The following MACROD2 variants were observed in gnomAD, a reference collection of about 807,000 sequenced individuals.
MACROD2 encodes ADP-ribose glycohydrolase MACROD2.
MACROD2 carries 36 observed loss-of-function variants against 70.4 expected under a neutral mutation model. The ratio of observed to expected loss-of-function variants is 0.51; its 90% CI spans 0.39 to 0.68. The LOEUF (loss-of-function observed/expected upper bound fraction) is 0.68, where lower values mean the gene tolerates loss of function less well. MACROD2 is among the 30% of genes least tolerant of loss of function. The pLI is 0.00. For synonymous variants in MACROD2, 172 were observed against 178.8 expected, an observed-to-expected ratio of 0.96 and a Z score of 0.30; for missense variants, 496 against 538.4, an observed-to-expected ratio of 0.92 and a Z score of 0.78.
intron 5 of MACROD2, among the ~76,000 whole-genome samples, chr20:14,871,283 T>C (rs1316245678): frequency 1.3e-5 from 2 of 152,108 alleles, no homozygotes; most frequent in Non-Finnish European, 2.9e-5. Context: ...TTAGGTCACC[T>C]ATAAAGGGAA....
rs76772503 is a variant in MACROD2 at position 14,954,330 on chromosome 20, T to A, written c.418+269371T>A. ...AAATGTATTTACCACATTTGTTGGA[T>A]CTACTTATGAATCTTTGGAAAAACT... On this transcript the variant is annotated intron_variant, in intron 5 of 17. Transcript: ENST00000684519. Among the ~76,000 whole-genome samples the A allele has an allele frequency of 2.0e-5, 3 of 151,716 alleles. No individual in the cohort carries two copies. In the East Asian group the frequency reaches 5.8e-4, roughly 29 times the overall value.
At chr20:14,461,917 T>G (rs1218063380) in intron 3 of MACROD2, among the ~76,000 whole-genome samples, 1 of 152,062 alleles carries the variant, frequency 6.6e-6, no homozygotes, top group Admixed American at 6.6e-5. Flanking sequence ...TTCCAAGTCT[T>G]TGCTATTGTG....
At chr20:14,234,924 C>A (rs534888052) in intron 3 of MACROD2, among the ~76,000 whole-genome samples, 1 of 152,244 alleles carries the variant, frequency 6.6e-6, no homozygotes, top group South Asian at 2.1e-4. Context: ...TTTAGTGCAT[C>A]ATTAATGAAC....
intron 3 of MACROD2, among the ~76,000 whole-genome samples, chr20:14,211,705 C>A (rs2081572262): frequency 6.6e-6 from 1 of 152,186 alleles, no homozygotes; most frequent in Non-Finnish European, 1.5e-5. Context: ...GTATTTAATT[C>A]ACCTAGTTCT....
intron 4 of MACROD2, among the ~76,000 whole-genome samples, chr20:14,495,011 T>C (rs1360494619): frequency 6.6e-6 from 1 of 152,180 alleles, no homozygotes; most frequent in African/African-American, 2.4e-5. Flanking sequence ...TGTAAACACA[T>C]TCATCAACTT....
intron 1 of MACROD2, among the ~76,000 whole-genome samples, chr20:13,999,587 C>A (rs1569107657): frequency 6.6e-6 from 1 of 152,172 alleles, no homozygotes; most frequent in Admixed American, 6.5e-5. Context: ...TTGAGTCCTA[C>A]TTATACTGCT....
At chr20:14,567,789 C>T (rs1979906876) in intron 4 of MACROD2, among the ~76,000 whole-genome samples, 1 of 151,996 alleles carries the variant, frequency 6.6e-6, no homozygotes, top group African/African-American at 2.4e-5. Flanking sequence ...AGTATTCATT[C>T]CAGATATTAT....
chr20:14,054,206 G>A (rs1432549503), intron 2 of MACROD2, among the ~76,000 whole-genome samples: 1 of 151,384 alleles, frequency 6.6e-6, no homozygotes, highest in East Asian at 1.9e-4. Context: ...CCACCCAATA[G>A]TGAAAGCTAC....
intron 4 of MACROD2, among the ~76,000 whole-genome samples, chr20:14,504,975 A>T (rs2084953270): frequency 6.6e-6 from 1 of 152,148 alleles, no homozygotes; most frequent in Non-Finnish European, 1.5e-5. Context: ...TAAATATATT[A>T]TGGGCATTCT....
intron 3 of MACROD2, among the ~76,000 whole-genome samples, chr20:14,266,049 T>C (rs2082142114): frequency 6.6e-6 from 1 of 152,238 alleles, no homozygotes; most frequent in Admixed American, 6.5e-5. Flanking sequence ...GTGCTGGGAT[T>C]ATAGGCGTGA....
intron 3 of MACROD2, among the ~76,000 whole-genome samples, chr20:14,364,260 T>G (rs2083251877): frequency 6.6e-6 from 1 of 152,166 alleles, no homozygotes; most frequent in Non-Finnish European, 1.5e-5. Context: ...CTGCAAAGCT[T>G]ATAGGTTTGT....
At chr20:14,114,846 A>G (rs2054495745) in intron 3 of MACROD2, among the ~76,000 whole-genome samples, 1 of 152,202 alleles carries the variant, frequency 6.6e-6, no homozygotes, top group Non-Finnish European at 1.5e-5. Context: ...AATTGTGCCT[A>G]TCATTCTTAT....
chr20:14,748,930 T>C (rs547871580), intron 5 of MACROD2, among the ~76,000 whole-genome samples: 1 of 152,058 alleles, frequency 6.6e-6, no homozygotes, highest in Non-Finnish European at 1.5e-5. Flanking sequence ...ACATTAACAA[T>C]AGGACACTGT....
intron 3 of MACROD2, among the ~76,000 whole-genome samples, chr20:14,269,921 A>G (rs1303207157): frequency 6.6e-6 from 1 of 152,098 alleles, no homozygotes. Flanking sequence ...ACCCTGGGAA[A>G]AATTCTTGTT....
chr20:15,600,726 T>C (rs569743420), intron 8 of MACROD2, among the ~76,000 whole-genome samples: 1 of 152,252 alleles, frequency 6.6e-6, no homozygotes, highest in Non-Finnish European at 1.5e-5. Flanking sequence ...TTGAGATGAA[T>C]ACTACAAGCT....
intron 10 of MACROD2, among the ~76,000 whole-genome samples, chr20:15,892,325 G>A (rs6043600): frequency 0.041 from 6,215 of 152,132 alleles, 296 homozygotes; most frequent in East Asian, 0.13. Flanking sequence ...AAATAAACTC[G>A]GAGATGCTTT....
At chr20:16,014,679 G>C (rs1476574364) in intron 15 of MACROD2, among the ~76,000 whole-genome samples, 1 of 152,178 alleles carries the variant, frequency 6.6e-6, no homozygotes, top group African/African-American at 2.4e-5. Context: ...TGGCTCCCCA[G>C]CCTAAGCATC....
chr20:14,895,454 A>G (rs2183272), intron 5 of MACROD2: 105,238 of 152,008 alleles, frequency 0.69, 36,780 homozygotes, highest in East Asian at 0.95. Flanking sequence ...TTTTCATGGA[A>G]ATGACATTCA....
intron 6 of MACROD2, among the ~76,000 whole-genome samples, chr20:15,241,762 CAAAAAAA>C (rs200361392): frequency 3.9e-4 from 36 of 92,618 alleles, no homozygotes; most frequent in African/African-American, 1.1e-3. Flanking sequence ...GTATTTCTCT[CAAAAAAA>C]AAAAAAAAAA....
Sources: allele counts gnomAD v4.1 joint callset (sites outside exome capture counted in the v4.1 genomes callset), GRCh38; gene constraint gnomAD v4.1.1; transcripts MANE v1.5; gene names NCBI Gene and HGNC (gene_info 2026-07-23, HGNC 2026-07-21).